The following RAB38 variants were observed in gnomAD, a reference collection of about 807,000 sequenced individuals.
RAB38 encodes the protein RAB38, member RAS oncogene family, also known as ras-related protein Rab-38.
RAB38 carries 15 observed loss-of-function variants against 18.4 expected under a neutral mutation model. The ratio of observed to expected loss-of-function variants is 0.82; its 90% CI spans 0.55 to 1.26. The LOEUF (loss-of-function observed/expected upper bound fraction) is 1.26, where lower values mean the gene tolerates loss of function less well. Ranked by LOEUF, RAB38 falls within the 50% of genes most tolerant of loss-of-function variation. The pLI is 0.00. For missense variants in RAB38, 294 were observed against 267.4 expected (o/e 1.10, Z -0.69); for synonymous variants, 101 against 104.4 (o/e 0.97, Z 0.20).
chr11:88,135,578 G>A (rs2134802456), intron 2 of RAB38, among the ~76,000 whole-genome samples: 1 of 152,328 alleles, frequency 6.6e-6, no homozygotes, highest in East Asian at 1.9e-4. Flanking sequence ...TTCAACTACT[G>A]TGGTAATGCT....
chr11:88,040,703 AAACAAC>A, the RAB38 span, among the ~76,000 whole-genome samples: 5,126 of 149,088 alleles, frequency 0.034, 265 homozygotes, highest in African/African-American at 0.12. Context: ...ACCCTGTCTC[AAACAAC>A]AACAACAACA....
chr11:87,970,198 A>T, the RAB38 span, among the ~76,000 whole-genome samples: 2 of 152,098 alleles, frequency 1.3e-5, no homozygotes, highest in East Asian at 1.9e-4. Flanking sequence ...AATGTCAGTA[A>T]TCTAGAAAAT....
At chr11:88,102,965 C>G in the RAB38 span, among the ~76,000 whole-genome samples, 1 of 151,974 alleles carries the variant, frequency 6.6e-6, no homozygotes, top group East Asian at 1.9e-4. Flanking sequence ...ACAGAGTGCC[C>G]TTTCCATTTC....
At chr11:88,074,117 A>T in the RAB38 span, among the ~76,000 whole-genome samples, 1,170 of 152,268 alleles carry the variant, frequency 7.7e-3, 14 homozygotes, top group African/African-American at 0.027. Context: ...AGCTTATTTT[A>T]AAAAAGTAAC....
the RAB38 span, among the ~76,000 whole-genome samples, chr11:88,092,946 C>A: frequency 6.6e-6 from 1 of 151,778 alleles, no homozygotes; most frequent in Non-Finnish European, 1.5e-5. Flanking sequence ...CACAGCCAGG[C>A]TTCATAAAGT....
At chr11:87,976,222 T>A in the RAB38 span, among the ~76,000 whole-genome samples, 1 of 146,582 alleles carries the variant, frequency 6.8e-6, no homozygotes, top group African/African-American at 2.5e-5. Context: ...TTTATGTATA[T>A]ACCTATATAT....
At chr11:88,149,099 C>G (rs1264607901) in intron 2 of RAB38, among the ~76,000 whole-genome samples, 1 of 152,190 alleles carries the variant, frequency 6.6e-6, no homozygotes, top group African/African-American at 2.4e-5. Flanking sequence ...TCAGCTCCAC[C>G]TCCTGCCACT....
At chr11:87,847,361 A>G in the RAB38 span, among the ~76,000 whole-genome samples, 3 of 152,172 alleles carry the variant, frequency 2.0e-5, no homozygotes, top group Admixed American at 1.3e-4. Flanking sequence ...AAAGAATATT[A>G]TAAACAACTT....
the RAB38 span, among the ~76,000 whole-genome samples, chr11:87,950,700 C>A: frequency 5.3e-5 from 8 of 152,202 alleles, no homozygotes; most frequent in South Asian, 1.7e-3. Flanking sequence ...CTTTAAGAAT[C>A]TTGAATATTG....
At chr11:87,917,697 G>A in the RAB38 span, among the ~76,000 whole-genome samples, 2 of 152,006 alleles carry the variant, frequency 1.3e-5, no homozygotes, top group Admixed American at 1.3e-4. Context: ...GCTGCTGTGA[G>A]GCTCCCTGTG....
chr11:87,977,382 A>T, the RAB38 span, among the ~76,000 whole-genome samples: 216 of 46,636 alleles, frequency 4.6e-3, 3 homozygotes, highest in East Asian at 8.5e-3. Context: ...TATATTATAA[A>T]ATATAATTAT....
the RAB38 span, among the ~76,000 whole-genome samples, chr11:88,075,131 A>G: frequency 2.6e-5 from 4 of 152,222 alleles, no homozygotes; most frequent in Admixed American, 2.0e-4. Context: ...TCAGCAATGG[A>G]CAGCTCATTC....
chr11:87,873,308 G>T, the RAB38 span, among the ~76,000 whole-genome samples: 1 of 151,188 alleles, frequency 6.6e-6, no homozygotes, highest in Non-Finnish European at 1.5e-5. Flanking sequence ...CTTATTATTG[G>T]GTTAAAACTT....
At chr11:87,877,806 T>C in the RAB38 span, among the ~76,000 whole-genome samples, 40,286 of 151,336 alleles carry the variant, frequency 0.27, 7,595 homozygotes, top group African/African-American at 0.54. Flanking sequence ...CATTTAAGCC[T>C]ACTTTACTAT....
chr11:87,805,716 C>T, the RAB38 span, among the ~76,000 whole-genome samples: 2 of 132,370 alleles, frequency 1.5e-5, no homozygotes, highest in Admixed American at 1.5e-4. Context: ...TATGTGTATA[C>T]ACACACATAT....
chr11:88,126,699 A>G (rs534348238), intron 2 of RAB38, among the ~76,000 whole-genome samples: 1 of 39,162 alleles, frequency 2.6e-5, no homozygotes, highest in African/African-American at 1.1e-4. Context: ...TTAAAGTATA[A>G]TAATAAAAAA....
At chr11:87,934,865 A>C in the RAB38 span, among the ~76,000 whole-genome samples, 2 of 152,150 alleles carry the variant, frequency 1.3e-5, no homozygotes, top group African/African-American at 2.4e-5. Context: ...AGTTGCAGCA[A>C]ACAGCTACAA....
At chr11:87,935,909 T>A in the RAB38 span, among the ~76,000 whole-genome samples, 2 of 152,174 alleles carry the variant, frequency 1.3e-5, no homozygotes, top group Non-Finnish European at 2.9e-5. Context: ...TAGCTAATGA[T>A]GTTTTATATC....
chr11:87,842,826 A>G, the RAB38 span, among the ~76,000 whole-genome samples: 232 of 131,042 alleles, frequency 1.8e-3, 2 homozygotes, highest in African/African-American at 4.9e-3. Flanking sequence ...GCACACACAC[A>G]CACACACACA....
Sources: allele counts gnomAD v4.1 joint callset (sites outside exome capture counted in the v4.1 genomes callset), GRCh38; gene constraint gnomAD v4.1.1; transcripts MANE v1.5; gene names NCBI Gene and HGNC (gene_info 2026-07-23, HGNC 2026-07-21).